Variants in ADCY9 observed in about 807,000 individuals in gnomAD.
ADCY9 encodes the protein adenylate cyclase type 9.
ADCY9 carries 50 observed loss-of-function variants against 101.5 expected under a neutral mutation model. The observed-to-expected ratio is 0.49, with a 90% CI of 0.39 to 0.62. The LOEUF (loss-of-function observed/expected upper bound fraction) is 0.62, where lower values mean the gene tolerates loss of function less well. ADCY9 is among the 20% of genes least tolerant of loss of function. The probability of loss-of-function intolerance (pLI) is 0.00; values close to 1 mark genes in which losing one functional copy is unlikely to be tolerated. For synonymous variants in ADCY9, 905 were observed against 769.3 expected, an observed-to-expected ratio of 1.18 and a Z score of -2.92; for missense variants, 1,662 against 1,800.4, an observed-to-expected ratio of 0.92 and a Z score of 1.39.
At chr16:4,002,373 T>G (rs1245159268) in intron 3 of ADCY9, among the ~76,000 whole-genome samples, 1 of 152,058 alleles carries the variant, frequency 6.6e-6, no homozygotes, top group Non-Finnish European at 1.5e-5. Flanking sequence ...ATAAAAGAAG[T>G]TATCATTTAG....
intron 2 of ADCY9, among the ~76,000 whole-genome samples, chr16:4,044,451 C>G (rs1470472680): frequency 1.3e-5 from 2 of 152,094 alleles, no homozygotes; most frequent in Non-Finnish European, 2.9e-5. Context: ...TTCTTCCAGG[C>G]TATTTACCAA....
chr16:3,977,716 T>G, intron 8 of ADCY9, 86 bp from the exon 9 acceptor site: 1 of 1,476,906 alleles, frequency 6.8e-7, no homozygotes, highest in Non-Finnish European at 9.1e-7. Context: ...TCGCCACTAA[T>G]CCATGTTTCC....
intron 2 of ADCY9, among the ~76,000 whole-genome samples, chr16:4,031,225 G>C (rs1050378928): frequency 1.3e-5 from 2 of 152,272 alleles, no homozygotes; most frequent in Admixed American, 1.3e-4. Context: ...TGTTTTGTCT[G>C]TACAGGAGAA....
rs1182273157 is a variant in ADCY9 at position 3,979,174 on chromosome 16, GAC to G, written c.2619_2620del (p.Ser874AlafsTer15). On this transcript the variant is annotated frameshift_variant, in exon 8 of 11. Coordinates refer to ENST00000294016, the MANE Select transcript of ADCY9 (RefSeq NM_001116.4). LOFTEE classifies it high-confidence loss of function. ...GGAGTAGACGGCCAGTGCGGGAAGC[GAC>G]ACCAGGATGGCCCCGATGCAGTGAC... 6.2e-7 allele frequency: 1 copy of G among 1,614,166 alleles called. No individual in the cohort carries two copies. Among genetic ancestry groups the G allele is most frequent in the South Asian group, 1.1e-5 (1 of 91,088 alleles).
At chr16:4,085,882 T>C (rs1384857856) in intron 2 of ADCY9, among the ~76,000 whole-genome samples, 37 of 151,808 alleles carry the variant, frequency 2.4e-4, no homozygotes, top group Non-Finnish European at 2.9e-5. Context: ...CTTCCACCCA[T>C]GCGTGTCCAG....
chr16:3,969,971 G>A (rs934500535), intron 10 of ADCY9, among the ~76,000 whole-genome samples: 17 of 152,026 alleles, frequency 1.1e-4, no homozygotes, highest in Non-Finnish European at 2.2e-4. Flanking sequence ...CCATCGTCCT[G>A]CCATCCAGAG....
chr16:3,988,293 C>G (rs2056211628), intron 6 of ADCY9, among the ~76,000 whole-genome samples: 1 of 151,778 alleles, frequency 6.6e-6, no homozygotes, highest in African/African-American at 2.4e-5. Context: ...GAACATGGAG[C>G]CGGAGTTAGA....
intron 2 of ADCY9, among the ~76,000 whole-genome samples, chr16:4,033,432 A>AT (rs71133683): frequency 0.031 from 3,913 of 125,922 alleles, 220 homozygotes; most frequent in African/African-American, 0.11. Context: ...CCTTGAAGTA[A>AT]TTTTTTTTTT....
Position 3,992,059 on chromosome 16 carries a change from A to T in ADCY9, c.2207+87T>A. 2 of 1,346,350 alleles carry T rather than the reference A, an allele frequency of 1.5e-6. No homozygotes were observed. Among genetic ancestry groups the T allele is most frequent in the Non-Finnish European group, 2.1e-6 (2 of 966,064 alleles). 83.4% of individuals were successfully genotyped at this position (1,346,350 alleles called of 1,614,324 possible). On this transcript the variant is annotated intron_variant, in intron 5 of 10. Transcript: ENST00000294016. The surrounding 1 kb of genome is among the most constrained non-coding windows in gnomAD (Gnocchi z 4.2). ...GCACTGCAGCCTGGATGACAGAGCG[A>T]GACTCAGTCTTAAAGAAAAGAAAAG...
In ADCY9 at chr16:3,965,076, T is replaced by A. The variant is rs1157776500; in HGVS notation, c.*699A>T. 9 of 152,398 alleles carry A rather than the reference T, an allele frequency of 5.9e-5. No homozygotes were observed. Among genetic ancestry groups the A allele is most frequent in the African/African-American group, 2.2e-4 (9 of 41,526 alleles). The allele number at this position is 152,398 out of a possible 1,614,324, so 9.4% of individuals were successfully genotyped here. A position where few individuals can be genotyped will look rare whatever the true frequency, so the allele number is the denominator to read the frequency against. On this transcript the variant is annotated 3_prime_UTR_variant, in exon 11 of 11. Coordinates refer to ENST00000294016, the MANE Select transcript of ADCY9 (RefSeq NM_001116.4). ...CGTGCCCGGCTGGCATTTGCTGTCT[T>A]GGCCTGCATGCATGTGGGCGAGCCC...
At chr16:4,113,115 G>C (rs1046843944) in intron 2 of ADCY9, among the ~76,000 whole-genome samples, 2 of 150,832 alleles carry the variant, frequency 1.3e-5, no homozygotes, top group African/African-American at 2.4e-5. Context: ...CAAATACTAT[G>C]ATAATAAAAT....
intron 2 of ADCY9, among the ~76,000 whole-genome samples, chr16:4,042,998 G>A (rs1011115135): frequency 9.2e-5 from 14 of 152,256 alleles, no homozygotes; most frequent in Admixed American, 2.6e-4. Context: ...TTGGGAGGCC[G>A]AGGCGGGCAG....
At chr16:3,980,150 G>A (rs2056128410) in intron 7 of ADCY9, among the ~76,000 whole-genome samples, 1 of 152,260 alleles carries the variant, frequency 6.6e-6, no homozygotes, top group Admixed American at 6.5e-5. Context: ...GGGCTCTGTT[G>A]TACGTGAGGT....
At chr16:4,002,904 TG>T (rs1313120450) in intron 3 of ADCY9, among the ~76,000 whole-genome samples, 1 of 152,126 alleles carries the variant, frequency 6.6e-6, no homozygotes, top group Non-Finnish European at 1.5e-5. Flanking sequence ...TTAGTAGAGA[TG>T]GGGTTTCACC....
intron 2 of ADCY9, among the ~76,000 whole-genome samples, chr16:4,059,323 G>T (rs1470240559): frequency 6.7e-6 from 1 of 148,334 alleles, no homozygotes; most frequent in African/African-American, 2.5e-5. Flanking sequence ...AGAGGCTGCA[G>T]TGAGCCGAGA....
At chr16:3,977,007 C>T (rs1055795849) in intron 9 of ADCY9, among the ~76,000 whole-genome samples, 3 of 152,196 alleles carry the variant, frequency 2.0e-5, no homozygotes, top group African/African-American at 4.8e-5. Flanking sequence ...GATCATCCTA[C>T]GTCTTCACCT....
At chr16:3,997,287 T>A (rs573421732) in intron 3 of ADCY9, among the ~76,000 whole-genome samples, 7 of 152,210 alleles carry the variant, frequency 4.6e-5, no homozygotes, top group Non-Finnish European at 1.0e-4. Flanking sequence ...TCAAACCAAC[T>A]TGGCACCAGA....
intron 3 of ADCY9, among the ~76,000 whole-genome samples, chr16:3,998,735 AGAAAAGAAAGAAAG>A (rs2056307393): frequency 5.0e-5 from 6 of 119,412 alleles, no homozygotes; most frequent in African/African-American, 1.7e-4. Flanking sequence ...AAAAAAAAAA[AGAAAAGAAAGAAAG>A]AAAGAAAAGA....
At chr16:3,997,466 A>C (rs1198914144) in intron 3 of ADCY9, among the ~76,000 whole-genome samples, 14 of 152,312 alleles carry the variant, frequency 9.2e-5, no homozygotes, top group Admixed American at 7.2e-4. Flanking sequence ...CATCCCCTTG[A>C]ACAGAGGCCG....
Sources: gnomAD v4.1 joint callset for allele counts (sites outside exome capture counted in the v4.1 genomes callset) on GRCh38, gnomAD v4.1.1 for gene constraint, Gnocchi (gnomAD v3.1) non-coding constraint, MANE v1.5 for transcripts, NCBI Gene and HGNC (gene_info 2026-07-23, HGNC 2026-07-21) for gene names.